Variants in SLC24A3 observed in about 807,000 individuals in gnomAD.
The protein encoded by SLC24A3 is sodium/potassium/calcium exchanger 3.
A neutral mutation model predicts 75.8 loss-of-function variants in SLC24A3; 28 were observed. That is an observed-to-expected ratio of 0.37 (90% confidence interval 0.27 to 0.51). SLC24A3 has a LOEUF of 0.51. Among genes scored for constraint, SLC24A3 ranks in the 20% least tolerant of loss-of-function variants. The pLI, the probability that SLC24A3 is intolerant of heterozygous loss-of-function variation, is 0.94. For missense variants in SLC24A3, 663 were observed against 847.8 expected, an observed-to-expected ratio of 0.78 and a Z score of 2.71; for synonymous variants, 372 against 334.1, an observed-to-expected ratio of 1.11 and a Z score of -1.24.
At chr20:19,472,742 G>A (rs374648712) in intron 2 of SLC24A3, among the ~76,000 whole-genome samples, 8 of 152,180 alleles carry the variant, frequency 5.3e-5, no homozygotes, top group East Asian at 1.9e-4. Context: ...GATTGTGGAC[G>A]TCCCCACTAC....
chr20:19,490,507 C>T (rs143882435), intron 2 of SLC24A3, among the ~76,000 whole-genome samples: 52 of 152,254 alleles, frequency 3.4e-4, no homozygotes, highest in Middle Eastern at 6.8e-3. Context: ...CCTAAAATAG[C>T]GGCTTTAGGT....
chr20:19,631,634 A>G (rs1430785915), intron 6 of SLC24A3, among the ~76,000 whole-genome samples: 1 of 152,152 alleles, frequency 6.6e-6, no homozygotes, highest in Non-Finnish European at 1.5e-5. Context: ...TCACGAGGGC[A>G]TTGTACTGCA....
chr20:19,683,290 G>A (rs1179694605), intron 10 of SLC24A3, among the ~76,000 whole-genome samples: 1 of 152,158 alleles, frequency 6.6e-6, no homozygotes, highest in Non-Finnish European at 1.5e-5. Context: ...CCTAGTATTA[G>A]CCAGTGTTTC....
At position 19,673,664 on chromosome 20, in the gene SLC24A3, A is replaced by G. The variant is rs1396821709; in HGVS notation, c.767+10A>G. The G allele has an allele frequency of 6.2e-7, 1 of 1,611,440 alleles. No homozygotes were observed. On this transcript the variant is annotated intron_variant, in intron 9 of 16. Transcript: ENST00000328041. Reference sequence around the variant, plus strand: ...ACATTGTCATCATGAAGTAAGTAAAATTTTTCATTTCTTATCCAAAACTGT... The same window carrying G: ...ACATTGTCATCATGAAGTAAGTAAAGTTTTTCATTTCTTATCCAAAACTGT...
chr20:19,378,569 C>A (rs1719199216), intron 2 of SLC24A3, among the ~76,000 whole-genome samples: 1 of 152,090 alleles, frequency 6.6e-6, no homozygotes, highest in Admixed American at 6.6e-5. Context: ...GCTAAATGAG[C>A]CATTCTGTTG....
At chr20:19,481,367 C>G (rs1205114212) in intron 2 of SLC24A3, among the ~76,000 whole-genome samples, 6 of 152,144 alleles carry the variant, frequency 3.9e-5, no homozygotes, top group Non-Finnish European at 1.5e-5. Context: ...GTGTATGAGG[C>G]CACAGCCACC....
At chr20:19,432,200 G>A (rs1032939433) in intron 2 of SLC24A3, among the ~76,000 whole-genome samples, 5 of 151,264 alleles carry the variant, frequency 3.3e-5, no homozygotes, top group African/African-American at 9.7e-5. Context: ...CCCCCAATGC[G>A]GGTATCCTAG....
At chr20:19,451,128 G>A (rs189356141) in intron 2 of SLC24A3, among the ~76,000 whole-genome samples, 3 of 152,308 alleles carry the variant, frequency 2.0e-5, no homozygotes, top group Non-Finnish European at 4.4e-5. Flanking sequence ...TATGATTTAT[G>A]TATTTTTCTT....
intron 3 of SLC24A3, among the ~76,000 whole-genome samples, chr20:19,523,743 G>A (rs974193773): frequency 1.3e-5 from 2 of 152,214 alleles, no homozygotes; most frequent in African/African-American, 4.8e-5. Flanking sequence ...ATCTGTCACA[G>A]CACCCACCTC....
At chr20:19,677,807 A>T (rs1435606672) in intron 9 of SLC24A3, among the ~76,000 whole-genome samples, 1 of 151,520 alleles carries the variant, frequency 6.6e-6, no homozygotes, top group Non-Finnish European at 1.5e-5. Flanking sequence ...CAGCAGATAA[A>T]CAAGTGAACA....
intron 1 of SLC24A3, among the ~76,000 whole-genome samples, chr20:19,237,801 C>T (rs2122158184): frequency 6.6e-6 from 1 of 152,248 alleles, no homozygotes; most frequent in Middle Eastern, 3.4e-3. Flanking sequence ...CTCATCAAAT[C>T]CCAGCCTGCT....
At chr20:19,540,237 C>T (rs1255251670) in intron 3 of SLC24A3, among the ~76,000 whole-genome samples, 1 of 152,134 alleles carries the variant, frequency 6.6e-6, no homozygotes, top group Non-Finnish European at 1.5e-5. Context: ...TGCAGTAAAA[C>T]ACGTTCAGTG....
chr20:19,260,059 A>G (rs1490873412), intron 1 of SLC24A3, among the ~76,000 whole-genome samples: 1 of 152,200 alleles, frequency 6.6e-6, no homozygotes, highest in African/African-American at 2.4e-5. Context: ...GAAGGTGGAT[A>G]CCAGGCCCAG....
intron 2 of SLC24A3, among the ~76,000 whole-genome samples, chr20:19,431,177 A>C (rs1014032202): frequency 6.6e-6 from 1 of 152,036 alleles, no homozygotes; most frequent in African/African-American, 2.4e-5. Context: ...ACCCAGCCCC[A>C]TGTGACATCC....
chr20:19,646,758 A>T (rs2122703192), intron 6 of SLC24A3, among the ~76,000 whole-genome samples: 1 of 152,146 alleles, frequency 6.6e-6, no homozygotes, highest in East Asian at 1.9e-4. Flanking sequence ...ACTACTCCTG[A>T]TTTAAAATGG....
chr20:19,325,795 T>TATATAGAGAGAG lies in SLC24A3; in HGVS notation c.271+44709_271+44710insTATAGAGAGAGA, dbSNP rs1251419875. ...ATATATACATATATATATATATATATAGAGAGAGAGAGAGAGAGAGAGAGA... is the reference window on the plus strand; with the variant it reads ...ATATATACATATATATATATATATATATATAGAGAGAGAGAGAGAGAGAGAGAGAGAGAGAGA... On this transcript the variant is annotated intron_variant, in intron 2 of 16. Transcript: ENST00000328041. 4.3e-4 allele frequency among the ~76,000 whole-genome samples: 29 copies of TATATAGAGAGAG among 67,788 alleles called. 1 individual carries two copies. The highest frequency in any genetic ancestry group is 1.9e-3 in the East Asian group (3 of 1,594). 44.5% of individuals were successfully genotyped at this position (67,788 alleles called of 152,430 possible).
At chr20:19,255,127 C>T (rs898379148) in intron 1 of SLC24A3, among the ~76,000 whole-genome samples, 3 of 152,194 alleles carry the variant, frequency 2.0e-5, no homozygotes, top group African/African-American at 7.2e-5. Flanking sequence ...TGTCATTACC[C>T]AACAGACCTC....
At chr20:19,639,909 G>A (rs534650278) in intron 6 of SLC24A3, among the ~76,000 whole-genome samples, 24 of 152,362 alleles carry the variant, frequency 1.6e-4, no homozygotes, top group South Asian at 1.2e-3. Context: ...CGGCAGGGCC[G>A]GCTGGCCGGC....
rs949289758 is a variant in SLC24A3, at chr20:19,686,145, T to C, written c.1324+784T>C. ...TTAGCTGTTCTGCAGGAACTTTTGG[T>C]ATGAAGGAAGAAATGCCCATGACCC... On this transcript the variant is annotated intron_variant, in intron 12 of 16. Transcript: ENST00000328041. Among the ~76,000 whole-genome samples the C allele has an allele frequency of 7.9e-5, 12 of 152,268 alleles. 1 individual carries two copies. Among genetic ancestry groups the C allele is most frequent in the South Asian group, 2.1e-4 (1 of 4,814 alleles).
Sources: allele counts gnomAD v4.1 joint callset (sites outside exome capture counted in the v4.1 genomes callset), GRCh38; gene constraint gnomAD v4.1.1; transcripts MANE v1.5; gene names NCBI Gene and HGNC (gene_info 2026-07-23, HGNC 2026-07-21).